Variants in ATRNL1 observed in about 807,000 individuals in gnomAD.
The protein encoded by ATRNL1 is attractin-like protein 1.
ATRNL1 carries 95 observed loss-of-function variants against 182.7 expected under a neutral mutation model. The ratio of observed to expected loss-of-function variants is 0.52; its 90% CI spans 0.44 to 0.62. ATRNL1 has a LOEUF of 0.62. Ranked by LOEUF, ATRNL1 falls within the 20% of genes least tolerant of loss-of-function variation. The pLI, the probability that ATRNL1 is intolerant of heterozygous loss-of-function variation, is 0.00. For missense variants in ATRNL1, 1,471 were observed against 1,679.5 expected (o/e 0.88, Z 2.17); for synonymous variants, 576 against 568.3 (o/e 1.01, Z -0.19).
chr10:115,655,950 A>G (rs1555035744), intron 26 of ATRNL1, among the ~76,000 whole-genome samples: 1 of 152,190 alleles, frequency 6.6e-6, no homozygotes, highest in African/African-American at 2.4e-5. Flanking sequence ...AAGCCTGACC[A>G]TATGTGCTGC....
At chr10:115,557,785 G>C (rs1323166624) in intron 26 of ATRNL1, among the ~76,000 whole-genome samples, 1 of 152,132 alleles carries the variant, frequency 6.6e-6, no homozygotes, top group Non-Finnish European at 1.5e-5. Context: ...AGTGGCTCAT[G>C]CCTGTAATCC....
intron 27 of ATRNL1, among the ~76,000 whole-genome samples, chr10:115,807,442 A>G (rs1298625265): frequency 1.3e-5 from 2 of 152,230 alleles, no homozygotes; most frequent in African/African-American, 4.8e-5. Flanking sequence ...AGTGAATACT[A>G]TGGGTACCAA....
intron 19 of ATRNL1, among the ~76,000 whole-genome samples, chr10:115,367,143 C>T (rs1554946227): frequency 1.2e-5 from 1 of 86,034 alleles, no homozygotes; most frequent in Non-Finnish European, 2.7e-5. Flanking sequence ...CTCCCCATCA[C>T]TTTCAGGTAC....
chr10:115,788,095 T>C (rs999652150), intron 27 of ATRNL1, among the ~76,000 whole-genome samples: 1 of 152,222 alleles, frequency 6.6e-6, no homozygotes, highest in African/African-American at 2.4e-5. Flanking sequence ...AAATATGAGA[T>C]ACACCATACT....
intron 26 of ATRNL1, among the ~76,000 whole-genome samples, chr10:115,697,526 A>G (rs1252634213): frequency 1.3e-5 from 2 of 151,960 alleles, no homozygotes; most frequent in African/African-American, 2.4e-5. Flanking sequence ...AGTTTTCACC[A>G]TGTTGCCCAG....
chr10:115,561,210 C>A (rs1853684972), intron 26 of ATRNL1, among the ~76,000 whole-genome samples: 1 of 152,114 alleles, frequency 6.6e-6, no homozygotes, highest in South Asian at 2.1e-4. Flanking sequence ...AATACAACCT[C>A]CAGAATGGGA....
chr10:115,352,909 A>C (rs985508994), intron 19 of ATRNL1, among the ~76,000 whole-genome samples: 16 of 152,336 alleles, frequency 1.1e-4, no homozygotes, highest in Middle Eastern at 3.4e-3. Flanking sequence ...GTCTTTAAAA[A>C]AACAACAACA....
intron 27 of ATRNL1, among the ~76,000 whole-genome samples, chr10:115,839,836 A>G (rs1484007398): frequency 6.6e-6 from 1 of 152,168 alleles, no homozygotes; most frequent in Non-Finnish European, 1.5e-5. Context: ...GAATTGATCT[A>G]TCAGCTGTAT....
intron 27 of ATRNL1, among the ~76,000 whole-genome samples, chr10:115,800,058 T>C (rs955966792): frequency 4.6e-5 from 7 of 151,920 alleles, no homozygotes; most frequent in African/African-American, 1.7e-4. Context: ...CTGTCTCTAC[T>C]AAAAATACAA....
chr10:115,596,249 G>A (rs544849133), intron 26 of ATRNL1, among the ~76,000 whole-genome samples: 3 of 152,132 alleles, frequency 2.0e-5, no homozygotes, highest in Middle Eastern at 3.4e-3. Context: ...GGGATTACAG[G>A]CACCTGCCAC....
intron 28 of ATRNL1, among the ~76,000 whole-genome samples, chr10:115,900,376 A>T (rs1328649878): frequency 6.6e-6 from 1 of 152,238 alleles, no homozygotes; most frequent in Non-Finnish European, 1.5e-5. Flanking sequence ...ATCTCAAACG[A>T]TGAAAAAATT....
intron 6 of ATRNL1, among the ~76,000 whole-genome samples, chr10:115,162,178 T>A (rs1293300548): frequency 6.6e-6 from 1 of 151,934 alleles, no homozygotes; most frequent in African/African-American, 2.4e-5. Flanking sequence ...CAAAGTAAAT[T>A]ATAGACATGA....
At chr10:115,589,189 G>T (rs921761449) in intron 26 of ATRNL1, among the ~76,000 whole-genome samples, 1 of 152,026 alleles carries the variant, frequency 6.6e-6, no homozygotes, top group African/African-American at 2.4e-5. Flanking sequence ...AGATATTTTT[G>T]AATATTATTA....
At chr10:115,154,347 G>A (rs760989698) in intron 5 of ATRNL1, among the ~76,000 whole-genome samples, 2 of 152,124 alleles carry the variant, frequency 1.3e-5, no homozygotes, top group African/African-American at 4.8e-5. Context: ...GGGAGTCTAA[G>A]TCTCTTTGTA....
At chr10:115,902,368 G>C (rs1309271373) in intron 28 of ATRNL1, among the ~76,000 whole-genome samples, 2 of 151,938 alleles carry the variant, frequency 1.3e-5, no homozygotes, top group Non-Finnish European at 2.9e-5. Context: ...AAAAAAAAAT[G>C]TTTTTTTAAA....
chr10:115,381,079 C>T (rs1857971146), intron 19 of ATRNL1, among the ~76,000 whole-genome samples: 1 of 152,136 alleles, frequency 6.6e-6, no homozygotes, highest in African/African-American at 2.4e-5. Flanking sequence ...TTATAGCCCT[C>T]CCAGTATGTG....
chr10:115,590,388 TTGTC>T (rs1488190292), intron 26 of ATRNL1, among the ~76,000 whole-genome samples: 1 of 152,190 alleles, frequency 6.6e-6, no homozygotes, highest in African/African-American at 2.4e-5. Flanking sequence ...TAACCTTTGG[TTGTC>T]TAATTATTGT....
At chr10:115,333,391 C>T (rs1003034138) in intron 18 of ATRNL1, among the ~76,000 whole-genome samples, 1 of 151,972 alleles carries the variant, frequency 6.6e-6, no homozygotes, top group Non-Finnish European at 1.5e-5. Context: ...ATATTTCATT[C>T]TGTTTAGTTC....
At chr10:115,527,499 TA>T (rs144904248) in intron 25 of ATRNL1, among the ~76,000 whole-genome samples, 62,158 of 151,874 alleles carry the variant, frequency 0.41, 13,314 homozygotes, top group Middle Eastern at 0.53. Context: ...ATAAAACCTG[TA>T]AAAAATGATT....
Sources: allele counts gnomAD v4.1 joint callset (sites outside exome capture counted in the v4.1 genomes callset), GRCh38; gene constraint gnomAD v4.1.1; transcripts MANE v1.5; gene names NCBI Gene and HGNC (gene_info 2026-07-23, HGNC 2026-07-21).